EYS: variants seen among roughly 807,000 people sequenced by gnomAD.
EYS encodes the protein EGF-like photoreceptor maintenance factor, also known as protein eyes shut homolog.
In EYS, 250 loss-of-function variants were observed where a neutral mutation model predicts 282.1. The ratio of observed to expected loss-of-function variants is 0.89; its 90% CI spans 0.80 to 0.98. The LOEUF (loss-of-function observed/expected upper bound fraction) is 0.98. Among genes scored for constraint, EYS ranks in the 50% least tolerant of loss-of-function variants. The probability of loss-of-function intolerance (pLI) is 0.00; values close to 1 mark genes in which losing one functional copy is unlikely to be tolerated. For synonymous variants in EYS, 1,355 were observed against 1,282.9 expected (o/e 1.06, Z -1.20); for missense variants, 4,016 against 3,709.0 (o/e 1.08, Z -2.15).
intron 12 of EYS, among the ~76,000 whole-genome samples, chr6:65,249,990 G>A (rs1252438996): frequency 6.6e-6 from 1 of 152,066 alleles, no homozygotes; most frequent in Non-Finnish European, 1.5e-5. Flanking sequence ...TGTAAGAGAG[G>A]TTCAAGCATT....
At chr6:65,277,027 A>C (rs1768066499) in intron 12 of EYS, among the ~76,000 whole-genome samples, 1 of 152,180 alleles carries the variant, frequency 6.6e-6, no homozygotes, top group African/African-American at 2.4e-5. Context: ...CCCAAAATTC[A>C]CATGTTGAAA....
chr6:65,528,152 G>T (rs1767638178), intron 2 of EYS, among the ~76,000 whole-genome samples: 1 of 152,216 alleles, frequency 6.6e-6, no homozygotes, highest in Non-Finnish European at 1.5e-5. Flanking sequence ...AGAAAATAAA[G>T]GTGAAAGTAG....
intron 30 of EYS, among the ~76,000 whole-genome samples, chr6:64,256,541 TTTATTGCTAA>T (rs990216877): frequency 1.3e-5 from 2 of 152,020 alleles, no homozygotes; most frequent in African/African-American, 4.8e-5. Flanking sequence ...CAGTTTTCTT[TTTATTGCTAA>T]GCTGCAGTGA....
chr6:65,266,884 G>A (rs1320577712), intron 12 of EYS, among the ~76,000 whole-genome samples: 40 of 122,012 alleles, frequency 3.3e-4, no homozygotes, highest in African/African-American at 8.8e-4. Context: ...CTTAATGTGT[G>A]TGCATATATA....
chr6:64,777,863 G>C (rs536705791), intron 22 of EYS, among the ~76,000 whole-genome samples: 1 of 152,148 alleles, frequency 6.6e-6, no homozygotes, highest in Non-Finnish European at 1.5e-5. Flanking sequence ...TAAAAACAAA[G>C]AGTTGTGTAC....
intron 28 of EYS, among the ~76,000 whole-genome samples, chr6:64,427,972 T>G (rs1051829496): frequency 2.0e-5 from 3 of 152,160 alleles, no homozygotes; most frequent in African/African-American, 7.2e-5. Flanking sequence ...ATTTGAATTT[T>G]CTGACATCTA....
chr6:65,684,197 T>C (rs9294645), intron 1 of EYS, among the ~76,000 whole-genome samples: 27,377 of 151,972 alleles, frequency 0.18, 2,780 homozygotes, highest in South Asian at 0.3. Context: ...TTGAAAACAA[T>C]AGGAGACAAA....
intron 12 of EYS, among the ~76,000 whole-genome samples, chr6:65,074,267 T>C (rs1462797633): frequency 3.3e-5 from 5 of 152,040 alleles, no homozygotes; most frequent in Admixed American, 2.6e-4. Flanking sequence ...TTTCTTCAGC[T>C]CCACAGGTTC....
intron 33 of EYS, among the ~76,000 whole-genome samples, chr6:64,055,386 T>C (rs1168876674): frequency 1.3e-5 from 2 of 152,148 alleles, no homozygotes; most frequent in Non-Finnish European, 2.9e-5. Flanking sequence ...ATACATGATA[T>C]TCACAGAAGC....
At chr6:64,802,017 CTTTTTCTTTT>C (rs1321787997) in intron 22 of EYS, among the ~76,000 whole-genome samples, 3 of 57,638 alleles carry the variant, frequency 5.2e-5, no homozygotes, top group Middle Eastern at 0.01. Context: ...TAACAAATTT[CTTTTTCTTTT>C]TTTTTCTTTT....
chr6:64,340,906 G>T (rs1771077588), intron 29 of EYS, among the ~76,000 whole-genome samples: 1 of 151,748 alleles, frequency 6.6e-6, no homozygotes, highest in Non-Finnish European at 1.5e-5. Flanking sequence ...GTGGGCAAAA[G>T]ACATAAACAG....
At chr6:65,576,897 A>G (rs564638804) in intron 2 of EYS, among the ~76,000 whole-genome samples, 1 of 151,956 alleles carries the variant, frequency 6.6e-6, no homozygotes, top group African/African-American at 2.4e-5. Flanking sequence ...AACTCTAAAC[A>G]CTGATGAAAG....
intron 30 of EYS, among the ~76,000 whole-genome samples, chr6:64,240,658 C>T (rs771333508): frequency 8.5e-5 from 13 of 152,126 alleles, no homozygotes; most frequent in East Asian, 1.9e-4. Flanking sequence ...GGGGCTGAGA[C>T]GATGGGGTTT....
chr6:64,908,882 G>C (rs1474452687), intron 16 of EYS, among the ~76,000 whole-genome samples: 1 of 151,996 alleles, frequency 6.6e-6, no homozygotes, highest in Non-Finnish European at 1.5e-5. Context: ...TGAAGGGTGG[G>C]GATCAATCAG....
At chr6:65,564,382 G>A (rs530942546) in intron 2 of EYS, among the ~76,000 whole-genome samples, 9 of 152,200 alleles carry the variant, frequency 5.9e-5, no homozygotes, top group East Asian at 5.8e-4. Context: ...TATCCTACAA[G>A]CCTACAGTAA....
At chr6:64,421,806 G>C (rs1351237614) in intron 28 of EYS, among the ~76,000 whole-genome samples, 1 of 152,020 alleles carries the variant, frequency 6.6e-6, no homozygotes, top group East Asian at 1.9e-4. Context: ...TTCAGGGAGG[G>C]AGCGAAGAAG....
chr6:63,815,953 T>G (rs2149683470), intron 36 of EYS, among the ~76,000 whole-genome samples: 1 of 152,224 alleles, frequency 6.6e-6, no homozygotes, highest in South Asian at 2.1e-4. Context: ...GAAAAAAATC[T>G]TAACCAGGGA....
rs921653246 is a variant in EYS at position 64,319,362 on chromosome 6, T to A, written c.6079-12280A>T. On this transcript the variant is annotated intron_variant, in intron 29 of 42. Coordinates refer to ENST00000503581, the MANE Select transcript of EYS (RefSeq NM_001142800.2). Reference sequence around the variant, plus strand: ...TTTTAGAAATGTAAAAAAAATGAGATTCTTAAATCTAGCAATACCAATTGA... The same window carrying A: ...TTTTAGAAATGTAAAAAAAATGAGAATCTTAAATCTAGCAATACCAATTGA... Among the ~76,000 whole-genome samples, 3 of 151,864 alleles carry A rather than the reference T, an allele frequency of 2.0e-5. No homozygotes were observed. In the East Asian group the frequency reaches 5.8e-4, roughly 29 times the overall value.
At chr6:65,250,727 T>A (rs914457954) in intron 12 of EYS, among the ~76,000 whole-genome samples, 1 of 151,782 alleles carries the variant, frequency 6.6e-6, no homozygotes, top group Non-Finnish European at 1.5e-5. Flanking sequence ...AATTTGAATA[T>A]AAACCCATGT....
Sources: gnomAD v4.1 joint callset for allele counts (sites outside exome capture counted in the v4.1 genomes callset) on GRCh38, gnomAD v4.1.1 for gene constraint, MANE v1.5 for transcripts, NCBI Gene and HGNC (gene_info 2026-07-23, HGNC 2026-07-21) for gene names.